Variants in ABLIM1 observed in about 807,000 individuals in gnomAD.
ABLIM1 encodes the protein actin binding LIM protein 1.
ABLIM1 carries 40 observed loss-of-function variants against 107.0 expected under a neutral mutation model. That is an observed-to-expected ratio of 0.37 (90% CI 0.29 to 0.49). The LOEUF (loss-of-function observed/expected upper bound fraction) is 0.49, where lower values mean the gene tolerates loss of function less well. Ranked by LOEUF, ABLIM1 falls within the 20% of genes least tolerant of loss-of-function variation. The pLI is 0.97. For synonymous variants in ABLIM1, 357 were observed against 357.3 expected (o/e 1.00, Z 0.01); for missense variants, 857 against 1,008.5 (o/e 0.85, Z 2.04).
chr10:114,799,107 T>G, the ABLIM1 span, among the ~76,000 whole-genome samples: 1 of 152,196 alleles, frequency 6.6e-6, no homozygotes, highest in African/African-American at 2.4e-5. Flanking sequence ...CAGTACAGTA[T>G]ACATTAAGTG....
At chr10:114,581,794 C>A (rs1236706060) in intron 2 of ABLIM1, among the ~76,000 whole-genome samples, 1 of 152,096 alleles carries the variant, frequency 6.6e-6, no homozygotes, top group Non-Finnish European at 1.5e-5. Context: ...GTCTTACACC[C>A]TCCTCATTTC....
At chr10:114,642,689 T>C (rs747872497) in intron 1 of ABLIM1, among the ~76,000 whole-genome samples, 103 of 151,908 alleles carry the variant, frequency 6.8e-4, no homozygotes, top group Non-Finnish European at 1.2e-3. Flanking sequence ...ATTTAAAGAG[T>C]ATAGATATAA....
At chr10:114,618,829 C>A (rs961946369) in intron 1 of ABLIM1, among the ~76,000 whole-genome samples, 1 of 152,184 alleles carries the variant, frequency 6.6e-6, no homozygotes, top group African/African-American at 2.4e-5. Flanking sequence ...GGCATCTTTG[C>A]CTACTTATTA....
chr10:114,690,388 C>G (rs902657029), intron 1 of ABLIM1: 6 of 1,605,766 alleles, frequency 3.7e-6, no homozygotes, highest in Non-Finnish European at 4.3e-6. Flanking sequence ...AAGTTCTCAT[C>G]ATCAAATTTC....
chr10:114,479,445 G>A (rs1005402697), intron 8 of ABLIM1, among the ~76,000 whole-genome samples: 2 of 152,156 alleles, frequency 1.3e-5, no homozygotes, highest in East Asian at 1.9e-4. Context: ...CAGCAGTCCC[G>A]CCAGGAGCTG....
At chr10:114,547,258 C>T (rs749833312) in intron 5 of ABLIM1, among the ~76,000 whole-genome samples, 2 of 152,020 alleles carry the variant, frequency 1.3e-5, no homozygotes, top group East Asian at 3.9e-4. Flanking sequence ...TCCTAAAAGG[C>T]CCACAACCTA....
At chr10:114,733,889 C>T (rs7097714) in intron 1 of ABLIM1, among the ~76,000 whole-genome samples, 1,573 of 152,100 alleles carry the variant, frequency 0.01, 23 homozygotes, top group African/African-American at 0.035. Context: ...TGAAGTCTCA[C>T]TCTGTCACCC....
At chr10:114,683,094 A>G (rs2080814839) in intron 1 of ABLIM1, among the ~76,000 whole-genome samples, 1 of 152,242 alleles carries the variant, frequency 6.6e-6, no homozygotes, top group Non-Finnish European at 1.5e-5. Context: ...ATTAATATGC[A>G]TAGTGTCCTT....
intron 1 of ABLIM1, among the ~76,000 whole-genome samples, chr10:114,651,529 G>A (rs1455257652): frequency 6.6e-6 from 1 of 152,170 alleles, no homozygotes; most frequent in East Asian, 1.9e-4. Context: ...AAACATCTGT[G>A]ACAAAGAAGA....
chr10:114,757,558 A>G (rs112451844), intron 1 of ABLIM1, among the ~76,000 whole-genome samples: 3 of 152,130 alleles, frequency 2.0e-5, no homozygotes, highest in African/African-American at 4.8e-5. Flanking sequence ...CTTCTACTTC[A>G]TGTTGCCAAC....
At chr10:114,725,388 T>C (rs1328715362) in intron 1 of ABLIM1, among the ~76,000 whole-genome samples, 8 of 152,170 alleles carry the variant, frequency 5.3e-5, no homozygotes, top group Admixed American at 5.2e-4. Flanking sequence ...TTTTATAAAA[T>C]GTAGACCATC....
At position 114,586,286 on chromosome 10, in the gene ABLIM1, G is replaced by A. The variant is rs145121494; in HGVS notation, c.380-10687C>T. On this transcript the variant is annotated intron_variant, in intron 2 of 22. Coordinates refer to ENST00000533213, the MANE Select transcript of ABLIM1 (RefSeq NM_002313.7). The stretch of plus-strand genomic sequence containing the variant: ...TCCATTCACATGTGCTGTGTATAGC[G>A]CTGGGCTATGCTCTACTTTGTGTTT... Among the ~76,000 whole-genome samples the A allele has an allele frequency of 3.4e-3, 522 of 152,196 alleles. 1 individual carries two copies. Among genetic ancestry groups the A allele is most frequent in the African/African-American group, 0.012 (499 of 41,522 alleles).
chr10:114,441,580 T>G (rs2060202360), intron 18 of ABLIM1, 142 bp downstream of exon 18: 1 of 668,430 alleles, frequency 1.5e-6, no homozygotes, highest in Non-Finnish European at 2.5e-6. Context: ...ATTAATTTAC[T>G]AGGCAACCAG....
At chr10:114,635,726 T>C (rs1451675001) in intron 1 of ABLIM1, among the ~76,000 whole-genome samples, 1 of 152,232 alleles carries the variant, frequency 6.6e-6, no homozygotes, top group Non-Finnish European at 1.5e-5. Flanking sequence ...TTCACCACGT[T>C]GGCCAGGCTG....
chr10:114,758,359 C>T (rs1458810721), intron 1 of ABLIM1, among the ~76,000 whole-genome samples: 2 of 152,142 alleles, frequency 1.3e-5, no homozygotes, highest in Admixed American at 6.5e-5. Flanking sequence ...TAAGTAGTCA[C>T]AAGGAACTGG....
At chr10:114,732,237 G>A (rs1418961058) in intron 1 of ABLIM1, among the ~76,000 whole-genome samples, 6 of 135,994 alleles carry the variant, frequency 4.4e-5, no homozygotes, top group Non-Finnish European at 7.7e-5. Context: ...AGGCTAGAGT[G>A]CAGTGGCGCC....
chr10:114,775,153 A>T, the ABLIM1 span, among the ~76,000 whole-genome samples: 2 of 152,118 alleles, frequency 1.3e-5, no homozygotes, highest in Non-Finnish European at 2.9e-5. Flanking sequence ...AGACACTTAT[A>T]AAACCATCAG....
At chr10:114,676,347 C>G (rs889849952) in intron 1 of ABLIM1, among the ~76,000 whole-genome samples, 3 of 151,834 alleles carry the variant, frequency 2.0e-5, no homozygotes, top group Admixed American at 6.6e-5. Flanking sequence ...TGTGGTGGTG[C>G]GTGACTGTAA....
At position 114,707,391 on chromosome 10, in the gene ABLIM1, C is replaced by G. The variant is rs151135762; in HGVS notation, c.-213+60670G>C. On this transcript the variant is annotated intron_variant, in intron 1 of 15. Coordinates refer to the ABLIM1 transcript ENST00000651092. This position sits in a 1 kb window ranked among gnomAD's most constrained non-coding sequence, Gnocchi z 4.1. ...GGAACTACAGGCGCACACCACCACA[C>G]TCAGCTAATTTTAAAATTTTTAGTA... Among the ~76,000 whole-genome samples, 1 of 152,278 alleles carries G rather than the reference C, an allele frequency of 6.6e-6. No individual in the cohort carries two copies. Among genetic ancestry groups the G allele is most frequent in the East Asian group, 1.9e-4 (1 of 5,134 alleles).
Sources: gnomAD v4.1 joint callset for allele counts (sites outside exome capture counted in the v4.1 genomes callset) on GRCh38, gnomAD v4.1.1 for gene constraint, Gnocchi (gnomAD v3.1) non-coding constraint, MANE v1.5 for transcripts, NCBI Gene and HGNC (gene_info 2026-07-23, HGNC 2026-07-21) for gene names.